NEBL: variants seen among roughly 807,000 people sequenced by gnomAD.
NEBL encodes the protein nebulette, also known as LIM and SH3 protein 2.
Under a neutral mutation model 140.2 loss-of-function variants are expected in NEBL, and 122 were observed. The ratio of observed to expected loss-of-function variants is 0.87; its 90% CI spans 0.75 to 1.01. The LOEUF is 1.01. Ranked by LOEUF, NEBL falls within the 50% of genes least tolerant of loss-of-function variation. The probability of loss-of-function intolerance (pLI) is 0.00; values close to 1 mark genes in which losing one functional copy is unlikely to be tolerated. For missense variants in NEBL, 1,365 were observed against 1,231.3 expected (o/e 1.11, Z -1.62); for synonymous variants, 436 against 398.9 (o/e 1.09, Z -1.11).
intron 9 of NEBL, 128 bp from the exon 10 acceptor site, chr10:20,852,777 C>A (rs1036550806): frequency 1.2e-6 from 1 of 821,022 alleles, no homozygotes; most frequent in African/African-American, 1.7e-5. Flanking sequence ...TCCCCATCTG[C>A]AGTTGGCTGG....
Position 20,868,742 on chromosome 10 carries a change from T to A in NEBL, c.606A>T (p.Gly202=), listed in dbSNP as rs1844592266. 6.2e-7 allele frequency: 1 copy of A among 1,610,284 alleles called. No individual in the cohort carries two copies. The highest frequency in any genetic ancestry group is 8.5e-7 in the Non-Finnish European group (1 of 1,176,680). ...ISNAEYKKGQ[G]IMNKEPAVIG... ...TTACAGCGGGCTCTTTATTCATTAT[T>A]CCTTGTCCTTTCTTGTATTCTGCCT... The change falls in exon 7 of 28, where the codon GGA becomes GGT. Residue 202 remains glycine (G), a synonymous_variant. Coordinates refer to ENST00000377122, the MANE Select transcript of NEBL (RefSeq NM_006393.3).
intron 1 of NEBL, chr10:21,172,520 A>T: frequency 6.9e-7 from 1 of 1,453,826 alleles, no homozygotes; most frequent in Non-Finnish European, 9.6e-7. Context: ...GTACAATGCC[A>T]GTTCTCACCA....
chr10:21,075,099 C>G (rs1487625679), intron 2 of NEBL, among the ~76,000 whole-genome samples: 2 of 152,098 alleles, frequency 1.3e-5, no homozygotes, highest in African/African-American at 4.8e-5. Flanking sequence ...AGCCACGACA[C>G]CCAGCCCAGA....
chr10:20,848,538 T>A (rs1243826970), intron 11 of NEBL, among the ~76,000 whole-genome samples: 3 of 152,084 alleles, frequency 2.0e-5, no homozygotes, highest in Non-Finnish European at 4.4e-5. Context: ...TGAGCAAGGG[T>A]GAGGGAGCAT....
At chr10:21,110,940 G>A (rs602572) in intron 2 of NEBL, 224,400 of 487,290 alleles carry the variant, frequency 0.46, 58,539 homozygotes, top group African/African-American at 0.82. Context: ...GCATTCCTAT[G>A]CAGCAATAAC....
intron 12 of NEBL, 143 bp downstream of exon 12, chr10:20,845,115 T>A (rs980310053): frequency 1.7e-6 from 1 of 593,818 alleles, no homozygotes; most frequent in African/African-American, 1.9e-5. Flanking sequence ...AATGCAACAC[T>A]TTATTAGTGA....
chr10:20,869,700 A>T, intron 6 of NEBL, 40 bp downstream of exon 6: 1 of 1,410,404 alleles, frequency 7.1e-7, no homozygotes, highest in Non-Finnish European at 1.0e-6. Context: ...CTACAAAAGT[A>T]AGAAATCATT....
intron 2 of NEBL, among the ~76,000 whole-genome samples, chr10:21,079,574 C>G (rs1836274285): frequency 6.6e-6 from 1 of 152,126 alleles, no homozygotes; most frequent in African/African-American, 2.4e-5. Context: ...AATAGGGCTC[C>G]CAGTATAAAC....
chr10:21,056,596 A>G (rs148107151), intron 2 of NEBL, among the ~76,000 whole-genome samples: 22 of 152,320 alleles, frequency 1.4e-4, no homozygotes, highest in African/African-American at 5.3e-4. Flanking sequence ...ACTCCTAGGT[A>G]TATCTTCTAG....
intron 19 of NEBL, 52 bp from the exon 20 acceptor site, chr10:20,819,568 C>A: frequency 6.3e-7 from 1 of 1,597,884 alleles, no homozygotes; most frequent in Non-Finnish European, 8.6e-7. Context: ...AAATACGTCC[C>A]AAAACATTGC....
chr10:21,256,181 C>T (rs1294336394), intron 1 of NEBL, among the ~76,000 whole-genome samples: 3 of 152,092 alleles, frequency 2.0e-5, no homozygotes, highest in Non-Finnish European at 4.4e-5. Context: ...GATTCTCCTG[C>T]CTCAGCCTCT....
At chr10:20,903,972 A>G (rs1847983502) in intron 4 of NEBL, among the ~76,000 whole-genome samples, 2 of 149,944 alleles carry the variant, frequency 1.3e-5, no homozygotes, top group African/African-American at 5.0e-5. Context: ...AAATTCATCC[A>G]TATAACCAAA....
intron 2 of NEBL, among the ~76,000 whole-genome samples, chr10:21,087,291 C>T (rs946259782): frequency 1.3e-5 from 2 of 152,088 alleles, no homozygotes; most frequent in South Asian, 4.1e-4. Flanking sequence ...TTCATGATCT[C>T]GTTTTGACTT....
intron 4 of NEBL, among the ~76,000 whole-genome samples, chr10:20,929,750 T>C (rs1471596391): frequency 3.2e-5 from 1 of 31,298 alleles, no homozygotes; most frequent in Admixed American, 4.1e-4. Context: ...ACTTGGAAAG[T>C]GGGGAGGGTG....
chr10:20,895,033 T>A (rs1389974155), intron 2 of NEBL, among the ~76,000 whole-genome samples: 1 of 152,006 alleles, frequency 6.6e-6, no homozygotes, highest in Non-Finnish European at 1.5e-5. Context: ...AAAGTATGCC[T>A]ATCTGTTTCA....
At chr10:21,119,130 T>A (rs1347900605) in intron 2 of NEBL, among the ~76,000 whole-genome samples, 2 of 152,222 alleles carry the variant, frequency 1.3e-5, no homozygotes, top group Non-Finnish European at 2.9e-5. Context: ...CAGTTTATTT[T>A]TGTGGATACT....
At chr10:21,076,405 A>C (rs2131920321) in intron 2 of NEBL, among the ~76,000 whole-genome samples, 1 of 136,790 alleles carries the variant, frequency 7.3e-6, no homozygotes, top group Non-Finnish European at 1.5e-5. Context: ...AGATCGTGCC[A>C]CTGCACTCCA....
At position 20,888,093 on chromosome 10, in the gene NEBL, C is replaced by T. The variant is rs769894639; in HGVS notation, c.369+4G>A. ...AATCATGAAACACTTTAGAAAAACCCTACCTCACTCTGGAGCTGTGTAACT... is the reference window on the plus strand; with the variant it reads ...AATCATGAAACACTTTAGAAAAACCTTACCTCACTCTGGAGCTGTGTAACT... On this transcript the variant is annotated splice_donor_region_variant and intron_variant, in intron 4 of 27. Coordinates refer to ENST00000377122, the MANE Select transcript of NEBL (RefSeq NM_006393.3). 3 of 1,584,146 alleles carry T rather than the reference C, an allele frequency of 1.9e-6. No individual in the cohort carries two copies. Among genetic ancestry groups the T allele is most frequent in the East Asian group, 4.5e-5 (2 of 44,712 alleles).
chr10:20,831,374 T>A, intron 15 of NEBL, 68 bp from the exon 16 acceptor site: 1 of 1,509,686 alleles, frequency 6.6e-7, no homozygotes, highest in Non-Finnish European at 9.2e-7. Flanking sequence ...ATTTACATGT[T>A]TGAATCTCAA....
Sources: gnomAD v4.1 joint callset for allele counts (sites outside exome capture counted in the v4.1 genomes callset) on GRCh38, gnomAD v4.1.1 for gene constraint, MANE v1.5 for transcripts, NCBI Gene and HGNC (gene_info 2026-07-23, HGNC 2026-07-21) for gene names.